Variants in ALPK3 observed in about 807,000 individuals in gnomAD.
ALPK3 encodes alpha-protein kinase 3.
ALPK3 carries 102 observed loss-of-function variants against 140.0 expected under a neutral mutation model. The ratio of observed to expected loss-of-function variants is 0.73; its 90% CI spans 0.62 to 0.86. The LOEUF is 0.86. Ranked by LOEUF, ALPK3 falls within the 40% of genes least tolerant of loss-of-function variation. The pLI is 0.00. For synonymous variants in ALPK3, 938 were observed against 898.5 expected (o/e 1.04, Z -0.79); for missense variants, 2,254 against 2,208.2 (o/e 1.02, Z -0.42).
chr15:84,838,032 G>A (rs1217982007), intron 3 of ALPK3, among the ~76,000 whole-genome samples: 1 of 152,212 alleles, frequency 6.6e-6, no homozygotes, highest in African/African-American at 2.4e-5. Context: ...GTAACAGCTG[G>A]GAGCTCCTCC....
In ALPK3 at chr15:84,840,209, G is replaced by C; in HGVS notation, c.930G>C (p.Glu310Asp). Residue 310 changes from glutamate to aspartate, a missense_variant, in exon 5 of 14, where the codon GAG becomes GAC. This residue lies in a region of ALPK3 where 2,088 missense variants were observed against 2,022.9 expected (regional missense o/e 1.03). Transcript: ENST00000258888. Reference sequence around the variant, plus strand: ...TGGGGCCTCAGAGAGCCCTCAAAGAGGAGAGTGGGGCCAAGAAGAAAAAGA... The same window carrying C: ...TGGGGCCTCAGAGAGCCCTCAAAGACGAGAGTGGGGCCAAGAAGAAAAAGA... ...MELGPQRALK[E>D]ESGAKKKKKD... 3 of 1,613,854 alleles carry C rather than the reference G, an allele frequency of 1.9e-6. No individual in the cohort carries two copies. Among genetic ancestry groups the C allele is most frequent in the Non-Finnish European group, 2.5e-6 (3 of 1,179,996 alleles).
At position 84,860,081 on chromosome 15, in the gene ALPK3, C is replaced by T; in HGVS notation, c.4129+9C>T. 1 of 1,613,892 alleles carries T rather than the reference C, an allele frequency of 6.2e-7. No individual in the cohort carries two copies. Among genetic ancestry groups the T allele is most frequent in the Non-Finnish European group, 8.5e-7 (1 of 1,179,960 alleles). On this transcript the variant is annotated intron_variant, in intron 9 of 13. Coordinates refer to ENST00000258888, the MANE Select transcript of ALPK3 (RefSeq NM_020778.5). ...CAGAGAAGAAGGTGAAGGTATGGTT[C>T]CCCCCTGGGGAAGGCGGGGTGGTCC...
intron 5 of ALPK3, among the ~76,000 whole-genome samples, chr15:84,844,328 AC>A (rs1429332116): frequency 5.9e-5 from 9 of 151,938 alleles, no homozygotes; most frequent in African/African-American, 2.2e-4. Context: ...AATCACTTAA[AC>A]CTGGGAAGCA....
intron 5 of ALPK3, among the ~76,000 whole-genome samples, chr15:84,848,988 A>G (rs567180566): frequency 6.6e-6 from 1 of 152,226 alleles, no homozygotes; most frequent in South Asian, 2.1e-4. Flanking sequence ...CTAAAAATAC[A>G]AAAATTAGCC....
Position 84,847,208 on chromosome 15 carries a change from G to GAGAGAGAGAGAGAGAGAGA in ALPK3, c.1653+6276_1653+6277insAGAGAGAGAGAGAGAGAGA, listed in dbSNP as rs373039929. On this transcript the variant is annotated intron_variant, in intron 5 of 13. Coordinates refer to ENST00000258888, the MANE Select transcript of ALPK3 (RefSeq NM_020778.5). ...GAGAGAGGAAGGGAGGGAGAAACGGGGAGAGAGAGAGAGAGAGAGAGAGAG... is the reference window on the plus strand; with the variant it reads ...GAGAGAGGAAGGGAGGGAGAAACGGGAGAGAGAGAGAGAGAGAGAGAGAGAGAGAGAGAGAGAGAGAGAG... Among the ~76,000 whole-genome samples, 43 of 116,638 alleles carry GAGAGAGAGAGAGAGAGAGA rather than the reference G, an allele frequency of 3.7e-4. 5 individuals are homozygous for GAGAGAGAGAGAGAGAGAGA. The highest frequency in any genetic ancestry group is 9.6e-4 in the South Asian group (3 of 3,112). 76.5% of individuals were successfully genotyped at this position (116,638 alleles called of 152,430 possible).
rs1450367732 is a variant in ALPK3 at position 84,840,656 on chromosome 15, G to T, written c.1377G>T (p.Val459=). ...CCCTCAGGGCTAGAAGCGAGGGGGT[G>T]CCTGGCGCTCCTGGCCAGCCCACAC... ...KAPLRARSEG[V]PGAPGQPTHS... The change falls in exon 5 of 14, where the codon GTG becomes GTT. Residue 459 remains valine, a synonymous_variant. Transcript: ENST00000258888. 3.8e-6 allele frequency: 6 copies of T among 1,578,896 alleles called. No homozygotes were observed. Among genetic ancestry groups the T allele is most frequent in the African/African-American group, 1.4e-5 (1 of 73,664 alleles).
rs1268319645 is a variant in ALPK3 at position 84,839,115 on chromosome 15, G to A, written c.422+18G>A. 1.1e-5 allele frequency: 18 copies of A among 1,592,020 alleles called. No homozygotes were observed. Among genetic ancestry groups the A allele is most frequent in the Non-Finnish European group, 1.5e-5 (17 of 1,167,192 alleles). On this transcript the variant is annotated intron_variant, in intron 4 of 13. Transcript: ENST00000258888. ...CTGTACAGGTGAGGGAGAAGGGCCTGTTTTGCTCTCTCTGCCCTCCCGAGG... is the reference window on the plus strand; with the variant it reads ...CTGTACAGGTGAGGGAGAAGGGCCTATTTTGCTCTCTCTGCCCTCCCGAGG...
At chr15:84,844,238 A>C (rs1194256427) in intron 5 of ALPK3, among the ~76,000 whole-genome samples, 2 of 151,940 alleles carry the variant, frequency 1.3e-5, no homozygotes, top group African/African-American at 2.4e-5. Flanking sequence ...AAAAAAACCC[A>C]AAAAAACAAA....
In ALPK3 at chr15:84,867,304, T is replaced by C. The variant is rs1331986531; in HGVS notation, c.4724-13T>C. On this transcript the variant is annotated splice_polypyrimidine_tract_variant and intron_variant, in intron 12 of 13. Transcript: ENST00000258888. ...CCAGACTGGCATCAACTCCCAACTT[T>C]CTCTCTTTTCAGGGGTTGACTGGAA... 3.1e-6 allele frequency: 5 copies of C among 1,613,596 alleles called. No homozygotes were observed. Among genetic ancestry groups the C allele is most frequent in the Non-Finnish European group, 4.2e-6 (5 of 1,179,830 alleles).
chr15:84,840,315 A>C lies in ALPK3; in HGVS notation c.1036A>C (p.Ile346Leu), dbSNP rs201336763. 1.7e-4 allele frequency: 275 copies of C among 1,613,980 alleles called. No individual in the cohort carries two copies. The highest frequency in any genetic ancestry group is 2.1e-4 in the Non-Finnish European group (244 of 1,180,030). Residue 346 changes from isoleucine to leucine, a missense_variant, in exon 5 of 14, where the codon ATC becomes CTC. Ile to Leu is a conservative substitution (Grantham distance 5). Transcript: ENST00000258888. The stretch of plus-strand genomic sequence containing the variant: ...AAGCCGCCGTTCTTCAGAAAACTGC[A>C]TCCCCAGCTCAGACGAGCCTGACTC... Reference protein sequence around the residue: ...AQSRRSSENCIPSSDEPDSCG... With the variant: ...AQSRRSSENCLPSSDEPDSCG...
intron 2 of ALPK3, among the ~76,000 whole-genome samples, chr15:84,824,589 G>T (rs1324650231): frequency 6.6e-6 from 1 of 152,240 alleles, no homozygotes; most frequent in East Asian, 1.9e-4. Flanking sequence ...ACTTTGTTCT[G>T]TGTGGCTCAT....
In ALPK3 at chr15:84,870,456, C is replaced by T. The variant is rs1195459077; in HGVS notation, c.*2000C>T. The T allele has an allele frequency of 6.6e-6, 1 of 152,238 alleles. No homozygotes were observed. The highest frequency in any genetic ancestry group is 1.5e-5 in the Non-Finnish European group (1 of 68,054). 9.4% of individuals were successfully genotyped at this position (152,238 alleles called of 1,614,324 possible). ...TGGAGGCAAAGATGTATGAGGCCATCTCAGGAGAGACTACTTGTTAGGATT... is the reference window on the plus strand; with the variant it reads ...TGGAGGCAAAGATGTATGAGGCCATTTCAGGAGAGACTACTTGTTAGGATT... On this transcript the variant is annotated 3_prime_UTR_variant, in exon 14 of 14. Coordinates refer to ENST00000258888, the MANE Select transcript of ALPK3 (RefSeq NM_020778.5).
intron 12 of ALPK3, among the ~76,000 whole-genome samples, chr15:84,866,032 C>G (rs1964000394): frequency 6.6e-6 from 1 of 152,216 alleles, no homozygotes; most frequent in Non-Finnish European, 1.5e-5. Flanking sequence ...AAAACTGAAG[C>G]TCACCCTGGT....
rs28495917 is a variant in ALPK3, at chr15:84,823,391, T to G, written c.182+23T>G. 3,069 of 1,613,854 alleles carry G rather than the reference T, an allele frequency of 1.9e-3. 16 individuals carry two copies. Among genetic ancestry groups the G allele is most frequent in the African/African-American group, 0.012 (898 of 75,026 alleles). On this transcript the variant is annotated intron_variant, in intron 2 of 13. Coordinates refer to ENST00000258888, the MANE Select transcript of ALPK3 (RefSeq NM_020778.5). The stretch of plus-strand genomic sequence containing the variant: ...AAGGTAAATGCATATTGCACTACAT[T>G]TCTCTGACTGCTTTTTCCTTGGGTC...
At chr15:84,855,228 C>T (rs28528779) in intron 5 of ALPK3, among the ~76,000 whole-genome samples, 98 of 152,300 alleles carry the variant, frequency 6.4e-4, no homozygotes, top group African/African-American at 2.2e-3. Flanking sequence ...GGTTTATAAC[C>T]TTGGGGTGAC....
chr15:84,823,904 G>C (rs1299279818), intron 2 of ALPK3, among the ~76,000 whole-genome samples: 2 of 152,202 alleles, frequency 1.3e-5, no homozygotes, highest in Non-Finnish European at 2.9e-5. Context: ...TGTAGAGACA[G>C]AGTCTCACTG....
In ALPK3 at chr15:84,867,339, T is replaced by C; in HGVS notation, c.4746T>C (p.Asp1582=). 1 of 1,613,976 alleles carries C rather than the reference T, an allele frequency of 6.2e-7. No homozygotes were observed. The change falls in exon 13 of 14, where the codon GAT becomes GAC. Residue 1582 remains aspartate (D), a synonymous_variant. Coordinates refer to ENST00000258888, the MANE Select transcript of ALPK3 (RefSeq NM_020778.5). ...DLAGVDWKMT[D]VQIATKLRGY... The stretch of plus-strand genomic sequence containing the variant: ...CAGGGGTTGACTGGAAGATGACTGA[T>C]GTGCAGATTGCTACCAAACTCCGAG...
chr15:84,860,748 A>C (rs1175756722), intron 9 of ALPK3, among the ~76,000 whole-genome samples: 1 of 152,186 alleles, frequency 6.6e-6, no homozygotes, highest in Non-Finnish European at 1.5e-5. Context: ...TTTGAGATGG[A>C]GTCTCACTCT....
In ALPK3 at chr15:84,868,483, C is replaced by T. The variant is rs1309068595; in HGVS notation, c.*27C>T. On this transcript the variant is annotated 3_prime_UTR_variant, in exon 14 of 14. Transcript: ENST00000258888. ...CTCCGCAGAGGCTGGGGGCCTCCAC[C>T]CAGCAGCAGACCAACCAGGAAGCAG... is the stretch of plus-strand genomic sequence containing the variant. The T allele has an allele frequency of 1.6e-5, 25 of 1,573,574 alleles. No homozygotes were observed. Among genetic ancestry groups the T allele is most frequent in the Non-Finnish European group, 2.1e-5 (24 of 1,165,046 alleles).
Sources: gnomAD v4.1 joint callset for allele counts (sites outside exome capture counted in the v4.1 genomes callset) on GRCh38, gnomAD v4.1.1 for gene constraint, gnomAD v4.1.1 regional missense constraint, MANE v1.5 for transcripts, NCBI Gene and HGNC (gene_info 2026-07-23, HGNC 2026-07-21) for gene names.